The following PRDX6 variants were observed in gnomAD, a reference collection of about 807,000 sequenced individuals.
The protein encoded by PRDX6 is peroxiredoxin-6.
A neutral mutation model predicts 20.0 loss-of-function variants in PRDX6; 13 were observed. The observed-to-expected ratio is 0.65, with a 90% CI of 0.42 to 1.03. PRDX6 has a LOEUF of 1.03. PRDX6 is among the 50% of genes least tolerant of loss of function. The pLI is 0.00. For synonymous variants in PRDX6, 85 were observed against 100.8 expected (o/e 0.84, Z 0.94); for missense variants, 203 against 276.9 (o/e 0.73, Z 1.89).
chr1:173,484,443 A>C (rs547821253), intron 2 of PRDX6, among the ~76,000 whole-genome samples: 1 of 152,080 alleles, frequency 6.6e-6, no homozygotes, highest in East Asian at 1.9e-4. Flanking sequence ...TTAGTCTTGC[A>C]TTTGCTGCTG....
Position 173,477,471 on chromosome 1 carries a change from T to C in PRDX6, c.74T>C (p.Phe25Ser). Residue 25 changes from phenylalanine (F) to serine (S), a missense_variant, in exon 1 of 5, where the codon TTC becomes TCC. By Grantham distance (155) the Phe-to-Ser change is radical. Transcript: ENST00000340385. ...AATACCACCGTCGGCCGCATCCGTT[T>C]CCACGACTTTCTGGGAGACTCGTAA... ...EANTTVGRIR[F>S]HDFLGDSWGI... is the part of the protein sequence containing the mutation. The C allele has an allele frequency of 1.9e-6, 3 of 1,605,880 alleles. No homozygotes were observed. Among genetic ancestry groups the C allele is most frequent in the Non-Finnish European group, 1.7e-6 (2 of 1,176,620 alleles).
intron 1 of PRDX6, 116 bp downstream of exon 1, chr1:173,477,608 G>T (rs993824215): frequency 2.4e-6 from 2 of 848,310 alleles, no homozygotes; most frequent in Non-Finnish European, 3.6e-6. Context: ...CGCCGCCCTC[G>T]CCTTCCCCCG....
At chr1:173,483,528 G>C (rs1389752928) in intron 2 of PRDX6, among the ~76,000 whole-genome samples, 2 of 152,024 alleles carry the variant, frequency 1.3e-5, no homozygotes, top group Non-Finnish European at 2.9e-5. Flanking sequence ...TCCAGCCTGG[G>C]CAACAGAGAC....
At chr1:173,480,938 A>G (rs1462395698) in intron 1 of PRDX6, among the ~76,000 whole-genome samples, 1 of 152,210 alleles carries the variant, frequency 6.6e-6, no homozygotes, top group Non-Finnish European at 1.5e-5. Flanking sequence ...GGTCTATGCT[A>G]GAAAAAAATG....
intron 4 of PRDX6, 80 bp downstream of exon 4, chr1:173,486,481 A>T: frequency 1.4e-6 from 2 of 1,435,128 alleles, no homozygotes; most frequent in Non-Finnish European, 1.9e-6. Context: ...GGTCTGTGTT[A>T]CCTGTTTCTA....
At chr1:173,477,594 C>T (rs1658719376) in intron 1 of PRDX6, 102 bp downstream of exon 1, 1 of 972,684 alleles carries the variant, frequency 1.0e-6, no homozygotes, top group Non-Finnish European at 1.5e-6. Context: ...CGCTCAGCCC[C>T]CTGCGCCGCC....
rs34735145 is a variant in PRDX6, at chr1:173,482,947, T to C, written c.252+1465T>C. ...CTTGCCCAAGACTGCCCAATGGCAATGAGATTTCAACCTCAAATCAATGTT... is the reference window on the plus strand; with the variant it reads ...CTTGCCCAAGACTGCCCAATGGCAACGAGATTTCAACCTCAAATCAATGTT... On this transcript the variant is annotated intron_variant, in intron 2 of 4. Transcript: ENST00000340385. Among the ~76,000 whole-genome samples, 32 of 152,344 alleles carry C rather than the reference T, an allele frequency of 2.1e-4. No homozygotes were observed. In the East Asian group the frequency reaches 5.2e-3, roughly 25 times the overall value.
intron 1 of PRDX6, among the ~76,000 whole-genome samples, chr1:173,480,704 A>G (rs1658786850): frequency 6.6e-6 from 1 of 152,236 alleles, no homozygotes; most frequent in African/African-American, 2.4e-5. Flanking sequence ...TCAGAGTATA[A>G]ATATTGGGTG....
At position 173,487,857 on chromosome 1, in the gene PRDX6, G is replaced by A. The variant is rs1804052; in HGVS notation, c.669G>A (p.Gln223=). 9.5e-5 allele frequency: 154 copies of A among 1,612,602 alleles called. No individual in the cohort carries two copies. In the African/African-American group the frequency reaches 1.8e-3, roughly 19 times the overall value. Residue 223 remains glutamine, a synonymous_variant, in exon 5 of 5, where the codon CAG becomes CAA. Coordinates refer to ENST00000340385, the MANE Select transcript of PRDX6 (RefSeq NM_004905.3). ...SGKKYLRYTP[Q]P is the part of the protein sequence containing the mutation. The stretch of plus-strand genomic sequence containing the variant: ...AGAAATACCTCCGCTACACACCCCA[G>A]CCTTAAGTCTCTTGGAGAAGCTGGT...
chr1:173,481,659 A>G, intron 2 of PRDX6, 177 bp downstream of exon 2: 2 of 647,308 alleles, frequency 3.1e-6, no homozygotes, highest in East Asian at 2.9e-5. Flanking sequence ...TGGTCAGTCA[A>G]TTCTCAGCCC....
Position 173,484,048 on chromosome 1 carries a change from A to AG in PRDX6, c.253-1312dup, listed in dbSNP as rs1484627674. 2.0e-5 allele frequency among the ~76,000 whole-genome samples: 3 copies of AG among 148,580 alleles called. No homozygotes were observed. In the South Asian group the frequency reaches 6.4e-4, roughly 32 times the overall value. Reference sequence around the variant, plus strand: ...AACCTGGGAGGCGGAGGTTGCAGTGAGCCAAGGTTGCGGTGAGCCAAGTTC... The same window carrying AG: ...AACCTGGGAGGCGGAGGTTGCAGTGAGGCCAAGGTTGCGGTGAGCCAAGTTC... On this transcript the variant is annotated intron_variant, in intron 2 of 4. Coordinates refer to ENST00000340385, the MANE Select transcript of PRDX6 (RefSeq NM_004905.3).
intron 1 of PRDX6, among the ~76,000 whole-genome samples, chr1:173,480,157 A>C (rs540541404): frequency 1.3e-5 from 2 of 152,362 alleles, no homozygotes; most frequent in East Asian, 1.9e-4. Context: ...TCTTAAAAAA[A>C]AATACTAACT....
intron 4 of PRDX6, among the ~76,000 whole-genome samples, chr1:173,486,975 C>G (rs562839969): frequency 6.6e-6 from 1 of 152,232 alleles, no homozygotes; most frequent in South Asian, 2.1e-4. Context: ...AGACAAATCA[C>G]TTAAATTCTG....
intron 4 of PRDX6, 37 bp from the exon 5 acceptor site, chr1:173,487,698 G>C: frequency 6.2e-7 from 1 of 1,611,002 alleles, no homozygotes; most frequent in Non-Finnish European, 8.5e-7. Flanking sequence ...GCTTCACTAT[G>C]AGATTGAATT....
chr1:173,487,048 T>G (rs1208599715), intron 4 of PRDX6, among the ~76,000 whole-genome samples: 1 of 152,220 alleles, frequency 6.6e-6, no homozygotes, highest in African/African-American at 2.4e-5. Flanking sequence ...AGTAGTGAAC[T>G]GGGGAGATAG....
intron 1 of PRDX6, among the ~76,000 whole-genome samples, chr1:173,479,965 C>A (rs1167927998): frequency 6.6e-6 from 1 of 152,204 alleles, no homozygotes; most frequent in Admixed American, 6.5e-5. Context: ...ACGCCCTGTT[C>A]CATTTCTTCT....
At chr1:173,483,546 C>CA (rs1169437097) in intron 2 of PRDX6, among the ~76,000 whole-genome samples, 7 of 151,876 alleles carry the variant, frequency 4.6e-5, no homozygotes, top group African/African-American at 1.4e-4. Flanking sequence ...GACTCCACCT[C>CA]AAAAAAATAA....
chr1:173,485,279 G>T, intron 2 of PRDX6, 82 bp from the exon 3 acceptor site: 1 of 1,349,438 alleles, frequency 7.4e-7, no homozygotes, highest in Non-Finnish European at 1.0e-6. Context: ...TTCCTGTCTT[G>T]CAAGGTGATG....
Position 173,481,491 on chromosome 1 carries a change from C to A in PRDX6, c.252+9C>A. On this transcript the variant is annotated intron_variant, in intron 2 of 4. Transcript: ENST00000340385. ...ATCTTGCCTGGAGCAAGGTTAGTAT[C>A]AATTGGCATGTGCTTTGAGCCTGAG... 6.2e-7 allele frequency: 1 copy of A among 1,612,590 alleles called. No individual in the cohort carries two copies.
Sources: gnomAD v4.1 joint callset for allele counts (sites outside exome capture counted in the v4.1 genomes callset) on GRCh38, gnomAD v4.1.1 for gene constraint, MANE v1.5 for transcripts, NCBI Gene and HGNC (gene_info 2026-07-23, HGNC 2026-07-21) for gene names.